HGF: variants seen among roughly 807,000 people sequenced by gnomAD.
HGF encodes fibroblast-derived tumor cytotoxic factor.
HGF carries 39 observed loss-of-function variants against 111.6 expected under a neutral mutation model. That is an observed-to-expected ratio of 0.35 (90% CI 0.27 to 0.46). The LOEUF (loss-of-function observed/expected upper bound fraction) is 0.46, where lower values mean the gene tolerates loss of function less well. Ranked by LOEUF, HGF falls within the 20% of genes least tolerant of loss-of-function variation. The probability of loss-of-function intolerance (pLI) is 1.00; values close to 1 mark genes in which losing one functional copy is unlikely to be tolerated. For missense variants in HGF, 735 were observed against 910.5 expected (o/e 0.81, Z 2.48); for synonymous variants, 285 against 294.8 (o/e 0.97, Z 0.34).
At chr7:81,766,177 C>T (rs1465830188) in intron 1 of HGF, among the ~76,000 whole-genome samples, 1 of 152,106 alleles carries the variant, frequency 6.6e-6, no homozygotes. Flanking sequence ...GGTCCCGGCA[C>T]CTCACACTCA....
rs1038525356 is a variant in HGF, at chr7:81,699,283, C to G, written c.*3298G>C. The G allele has an allele frequency of 6.6e-6, 1 of 151,412 alleles. No individual in the cohort carries two copies. Among genetic ancestry groups the G allele is most frequent in the Non-Finnish European group, 1.5e-5 (1 of 67,622 alleles). The allele number at this position is 151,412 out of a possible 1,614,324, so 9.4% of individuals were successfully genotyped here. ...TGAACCTACTTAAAAGTTACACTGT[C>G]AAGATATATATGGTCCAAAAAATTT... On this transcript the variant is annotated 3_prime_UTR_variant, in exon 18 of 18. Coordinates refer to ENST00000222390, the MANE Select transcript of HGF (RefSeq NM_000601.6).
At chr7:81,727,582 A>T (rs1392444882) in intron 8 of HGF, among the ~76,000 whole-genome samples, 3 of 8,264 alleles carry the variant, frequency 3.6e-4, no homozygotes, top group East Asian at 8.6e-3. Context: ...TTACATTTTT[A>T]AAAAAAATCT....
At chr7:81,706,048 C>G (rs1562871102) in intron 15 of HGF, among the ~76,000 whole-genome samples, 1 of 151,798 alleles carries the variant, frequency 6.6e-6, no homozygotes, top group Non-Finnish European at 1.5e-5. Flanking sequence ...CATTTTAAAA[C>G]AGACTGATCA....
chr7:81,735,604 C>T (rs542369107), intron 7 of HGF, among the ~76,000 whole-genome samples: 3 of 151,996 alleles, frequency 2.0e-5, no homozygotes, highest in African/African-American at 7.2e-5. Context: ...TTTTAAAAGA[C>T]GACTATGTTC....
At chr7:81,767,962 G>C (rs1434149341) in intron 1 of HGF, among the ~76,000 whole-genome samples, 2 of 151,824 alleles carry the variant, frequency 1.3e-5, no homozygotes, top group Non-Finnish European at 2.9e-5. Flanking sequence ...CTAAACAAAG[G>C]CGCACCCTCC....
intron 3 of HGF, 52 bp from the exon 4 acceptor site, chr7:81,757,355 A>T: frequency 1.1e-6 from 1 of 938,054 alleles, no homozygotes; most frequent in Non-Finnish European, 1.8e-6. Flanking sequence ...CATATGCAGT[A>T]TTTAAGAAAA....
rs753099990 is a variant in HGF, at chr7:81,745,029, T to C, written c.717A>G (p.Thr239=). 1.9e-6 allele frequency: 3 copies of C among 1,614,050 alleles called. No individual in the cohort carries two copies. The highest frequency in any genetic ancestry group is 2.5e-6 in the Non-Finnish European group (3 of 1,179,968). The part of the protein sequence containing the change: ...GKICQRWDHQ[T]PHRHKFLPER... ...CAGGCAAGAATTTGTGCCGGTGTGGTGTCTGATGATCCCAGCGCTGACAAA... is the reference window on the plus strand; with the variant it reads ...CAGGCAAGAATTTGTGCCGGTGTGGCGTCTGATGATCCCAGCGCTGACAAA... The change falls in exon 6 of 18, where the codon ACA becomes ACG. Residue 239 remains threonine (T), a synonymous_variant. Transcript: ENST00000222390.
intron 9 of HGF, among the ~76,000 whole-genome samples, chr7:81,722,761 C>T (rs1349161034): frequency 7.1e-6 from 1 of 140,296 alleles, no homozygotes; most frequent in East Asian, 2.1e-4. Context: ...TTGCAATGAG[C>T]CAAGATCATG....
chr7:81,727,915 C>T (rs2115919080), intron 8 of HGF, among the ~76,000 whole-genome samples: 1 of 152,290 alleles, frequency 6.6e-6, no homozygotes, highest in East Asian at 1.9e-4. Context: ...TAGGTCCTTA[C>T]TTTTCACTTG....
chr7:81,725,210 A>G (rs1158512600), intron 9 of HGF, among the ~76,000 whole-genome samples: 1 of 152,210 alleles, frequency 6.6e-6, no homozygotes, highest in Non-Finnish European at 1.5e-5. Context: ...AAAAGGGCAA[A>G]CAATTCCTGA....
chr7:81,709,291 C>T (rs1037930734), intron 13 of HGF, among the ~76,000 whole-genome samples: 4 of 151,978 alleles, frequency 2.6e-5, no homozygotes, highest in East Asian at 1.9e-4. Flanking sequence ...GAGGAAGAAA[C>T]GTGAGGTATC....
chr7:81,765,323 C>A (rs945181575), intron 1 of HGF, among the ~76,000 whole-genome samples: 3 of 152,066 alleles, frequency 2.0e-5, no homozygotes, highest in South Asian at 4.1e-4. Flanking sequence ...CTCAATTGTC[C>A]TACTGAAATG....
intron 9 of HGF, among the ~76,000 whole-genome samples, chr7:81,724,596 T>A (rs1272100981): frequency 6.6e-6 from 1 of 152,220 alleles, no homozygotes; most frequent in Non-Finnish European, 1.5e-5. Flanking sequence ...TTATTTTACG[T>A]TCATGGGTAC....
At chr7:81,702,813 T>C in intron 17 of HGF, 56 bp from the exon 18 acceptor site, 3 of 1,418,490 alleles carry the variant, frequency 2.1e-6, no homozygotes, top group South Asian at 2.3e-5. Context: ...AAAAGCTCAT[T>C]AACATAATCA....
intron 7 of HGF, chr7:81,742,804 G>T: frequency 6.5e-7 from 1 of 1,549,230 alleles, no homozygotes; most frequent in Non-Finnish European, 8.7e-7. Context: ...TGCAGGCTGG[G>T]TACAAAGACA....
At chr7:81,747,534 A>G (rs1788319794) in intron 5 of HGF, among the ~76,000 whole-genome samples, 1 of 152,236 alleles carries the variant, frequency 6.6e-6, no homozygotes, top group Non-Finnish European at 1.5e-5. Flanking sequence ...GGGCCTAAAA[A>G]TAAATAAATA....
At chr7:81,719,866 C>T (rs1789808081) in intron 10 of HGF, among the ~76,000 whole-genome samples, 1 of 152,090 alleles carries the variant, frequency 6.6e-6, no homozygotes, top group Non-Finnish European at 1.5e-5. Context: ...CTCTCTGAGC[C>T]CTTAAATTCC....
intron 1 of HGF, among the ~76,000 whole-genome samples, chr7:81,765,704 T>A (rs1007586335): frequency 6.6e-6 from 1 of 152,062 alleles, no homozygotes; most frequent in Non-Finnish European, 1.5e-5. Flanking sequence ...AAAAGAAAAA[T>A]TCAAAACAGA....
intron 9 of HGF, among the ~76,000 whole-genome samples, chr7:81,721,986 G>A (rs138456270): frequency 1.2e-4 from 19 of 152,206 alleles, no homozygotes; most frequent in African/African-American, 3.6e-4. Context: ...GTATTTGTTC[G>A]TTAGCATTCT....
Sources: allele counts gnomAD v4.1 joint callset (sites outside exome capture counted in the v4.1 genomes callset), GRCh38; gene constraint gnomAD v4.1.1; transcripts MANE v1.5; gene names NCBI Gene and HGNC (gene_info 2026-07-23, HGNC 2026-07-21).